SLC38A2: variants seen among roughly 807,000 people sequenced by gnomAD.
The protein encoded by SLC38A2 is solute carrier family 38 member 2.
SLC38A2 carries 11 observed loss-of-function variants against 61.5 expected under a neutral mutation model. The observed-to-expected ratio is 0.18, with a 90% CI of 0.11 to 0.30. SLC38A2 has a LOEUF of 0.30. SLC38A2 is among the 10% of genes least tolerant of loss of function. The probability of loss-of-function intolerance (pLI) is 1.00; values close to 1 mark genes in which losing one functional copy is unlikely to be tolerated. For synonymous variants in SLC38A2, 217 were observed against 212.5 expected, an observed-to-expected ratio of 1.02 and a Z score of -0.18; for missense variants, 522 against 600.4, an observed-to-expected ratio of 0.87 and a Z score of 1.36.
intron 4 of SLC38A2, among the ~76,000 whole-genome samples, chr12:46,367,975 C>A (rs1026668177): frequency 6.6e-6 from 1 of 151,906 alleles, no homozygotes; most frequent in Non-Finnish European, 1.5e-5. Context: ...ACATCTCTAC[C>A]GAAGGAAAAA....
rs988455178 is a variant in SLC38A2, at chr12:46,359,090, A to T, written c.*2021T>A. 8 of 16,850 alleles carry T rather than the reference A, an allele frequency of 4.7e-4. No homozygotes were observed. Among genetic ancestry groups the T allele is most frequent in the Middle Eastern group, 0.036 (1 of 28 alleles). The allele number at this position is 16,850 out of a possible 1,614,324, so 1.0% of individuals were successfully genotyped here. ...GTTGCCACAGTATCTTCTCCCATAC[A>T]AAAAAAAAAAAAAAAGTCTGTAGAA... is the stretch of plus-strand genomic sequence containing the variant. On this transcript the variant is annotated 3_prime_UTR_variant, in exon 16 of 16. Transcript: ENST00000256689.
intron 12 of SLC38A2, 52 bp downstream of exon 12, chr12:46,363,674 A>C: frequency 2.5e-6 from 3 of 1,190,426 alleles, no homozygotes; most frequent in African/African-American, 1.5e-5. Flanking sequence ...TCATTTCAAT[A>C]AGCGTTTTTT....
In SLC38A2 at chr12:46,359,491, C is replaced by G. The variant is rs1943058567; in HGVS notation, c.*1620G>C. On this transcript the variant is annotated 3_prime_UTR_variant, in exon 16 of 16. Coordinates refer to ENST00000256689, the MANE Select transcript of SLC38A2 (RefSeq NM_018976.5). ...AAACCATGTCTCCACATTTCTGGCCCTTGCCCCAAACAACATTTTTAGTTC... is the reference window on the plus strand; with the variant it reads ...AAACCATGTCTCCACATTTCTGGCCGTTGCCCCAAACAACATTTTTAGTTC... 1 of 152,662 alleles carries G rather than the reference C, an allele frequency of 6.6e-6. No homozygotes were observed. The highest frequency in any genetic ancestry group is 2.4e-5 in the African/African-American group (1 of 41,458). 9.5% of individuals were successfully genotyped at this position (152,662 alleles called of 1,614,324 possible). A position where few individuals can be genotyped will look rare whatever the true frequency, so the allele number is the denominator to read the frequency against.
rs1241063414 is a variant in SLC38A2 at position 46,358,406 on chromosome 12, ATT to A, written c.*2703_*2704del. 1 of 152,566 alleles carries A rather than the reference ATT, an allele frequency of 6.6e-6. No homozygotes were observed. Among genetic ancestry groups the A allele is most frequent in the African/African-American group, 2.4e-5 (1 of 41,442 alleles). The allele number at this position is 152,566 out of a possible 1,614,324, so 9.5% of individuals were successfully genotyped here. A position where few individuals can be genotyped will look rare whatever the true frequency, so the allele number is the denominator to read the frequency against. On this transcript the variant is annotated 3_prime_UTR_variant, in exon 16 of 16. Coordinates refer to ENST00000256689, the MANE Select transcript of SLC38A2 (RefSeq NM_018976.5). ...ATTTTATTTCATTACACTAGATCAC[ATT>A]TTGATTACTGCATTTTGAAAATGTA... is the stretch of plus-strand genomic sequence containing the variant.
rs1220873060 is a variant in SLC38A2, at chr12:46,372,528, A to C, written c.-106T>G. On this transcript the variant is annotated 5_prime_UTR_variant, in exon 1 of 16. Coordinates refer to ENST00000256689, the MANE Select transcript of SLC38A2 (RefSeq NM_018976.5). ...CGTTACCTCGGTGGTCTCTATTCTC[A>C]CGCAGACGTCTTCAGTGGGTTTCTC... 5.1e-6 allele frequency: 2 copies of C among 390,106 alleles called. No homozygotes were observed. The highest frequency in any genetic ancestry group is 4.1e-5 in the African/African-American group (2 of 48,212). The allele number at this position is 390,106 out of a possible 1,614,324, so 24.2% of individuals were successfully genotyped here. A position where few individuals can be genotyped will look rare whatever the true frequency, so the allele number is the denominator to read the frequency against.
intron 7 of SLC38A2, 90 bp downstream of exon 7, chr12:46,366,770 TTAAC>T: frequency 2.1e-6 from 2 of 931,628 alleles, no homozygotes; most frequent in South Asian, 1.8e-5. Flanking sequence ...TTATGGATAA[TTAAC>T]TAATCATTTT....
chr12:46,364,762 T>A, intron 8 of SLC38A2, 60 bp from the exon 9 acceptor site: 1 of 1,513,130 alleles, frequency 6.6e-7, no homozygotes, highest in Non-Finnish European at 9.0e-7. Flanking sequence ...AAGGCAAATA[T>A]CTTTTTCCCA....
chr12:46,360,945 A>T lies in SLC38A2; in HGVS notation c.*166T>A. 1.7e-6 allele frequency: 1 copy of T among 573,010 alleles called. No individual in the cohort carries two copies. The highest frequency in any genetic ancestry group is 3.0e-6 in the Non-Finnish European group (1 of 328,348). The allele number at this position is 573,010 out of a possible 1,614,324, so 35.5% of individuals were successfully genotyped here. A position where few individuals can be genotyped will look rare whatever the true frequency, so the allele number is the denominator to read the frequency against. On this transcript the variant is annotated 3_prime_UTR_variant, in exon 16 of 16. Coordinates refer to ENST00000256689, the MANE Select transcript of SLC38A2 (RefSeq NM_018976.5). ...ACATACAGATAAGTTTCTTAAAAAA[A>T]CAAAACAAAACAAAAAAGTTCACTT...
At position 46,362,615 on chromosome 12, in the gene SLC38A2, C is replaced by T. The variant is rs1411822412; in HGVS notation, c.1203G>A (p.Leu401=). Residue 401 remains leucine, a synonymous_variant, in exon 14 of 16, where the codon TTG becomes TTA. Coordinates refer to ENST00000256689, the MANE Select transcript of SLC38A2 (RefSeq NM_018976.5). ...IFPIRSSVTH[L]LCASKDFSWW... ...AACTGAAATCTTTTGATGCACACAA[C>T]AAGTGAGTTACAGAACTCCGGATCT... is the stretch of plus-strand genomic sequence containing the variant. 3 of 1,580,978 alleles carry T rather than the reference C, an allele frequency of 1.9e-6. No homozygotes were observed. In the South Asian group the frequency reaches 3.6e-5, roughly 19 times the overall value.
intron 8 of SLC38A2, 54 bp from the exon 9 acceptor site, chr12:46,364,756 CAAA>C: frequency 6.5e-7 from 1 of 1,533,604 alleles, no homozygotes; most frequent in Non-Finnish European, 8.9e-7. Context: ...AGATTTAAGG[CAAA>C]TATCTTTTTC....
At chr12:46,367,212 A>G in intron 5 of SLC38A2, 44 bp from the exon 6 acceptor site, 1 of 1,590,764 alleles carries the variant, frequency 6.3e-7, no homozygotes, top group Non-Finnish European at 8.6e-7. Context: ...ATTTTAAAAG[A>G]GAAATAAAAT....
At chr12:46,368,841 T>C (rs1339302727) in intron 4 of SLC38A2, among the ~76,000 whole-genome samples, 2 of 152,210 alleles carry the variant, frequency 1.3e-5, no homozygotes, top group Non-Finnish European at 2.9e-5. Flanking sequence ...AAGGGATGAA[T>C]AGACTTTATA....
chr12:46,367,222 T>C (rs745951199), intron 5 of SLC38A2, 45 bp downstream of exon 5: 15 of 1,582,398 alleles, frequency 9.5e-6, no homozygotes, highest in Non-Finnish European at 1.3e-5. Flanking sequence ...AGAAATAAAA[T>C]GATAGGTATA....
intron 8 of SLC38A2, 28 bp from the exon 9 acceptor site, chr12:46,364,730 A>C: frequency 6.3e-7 from 1 of 1,576,298 alleles, no homozygotes; most frequent in Non-Finnish European, 8.6e-7. Flanking sequence ...AGGAATCAGT[A>C]TTAGTTTAAT....
intron 7 of SLC38A2, 134 bp downstream of exon 7, chr12:46,366,730 G>T: frequency 1.3e-6 from 1 of 775,956 alleles, no homozygotes; most frequent in East Asian, 2.8e-5. Context: ...GGGGATGGGG[G>T]GCCTTCTTGG....
At position 46,367,331 on chromosome 12, in the gene SLC38A2, C is replaced by G; in HGVS notation, c.324G>C (p.Leu108Phe). The G allele has an allele frequency of 6.4e-7, 1 of 1,573,624 alleles. No homozygotes were observed. Among genetic ancestry groups the G allele is most frequent in the Non-Finnish European group, 8.7e-7 (1 of 1,144,292 alleles). ...ACAGGGAAAATATTGACACAAATGT[C>G]AAGAGAATTCTGGTGAGAGAAGGAA... ...NTGIALFIIL[L>F]TFVSIFSLYS... Residue 108 changes from leucine to phenylalanine, a missense_variant, in exon 5 of 16, where the codon TTG (leucine) becomes TTC (phenylalanine). Leu to Phe is a conservative substitution (Grantham distance 22, BLOSUM62 0). Transcript: ENST00000256689.
In SLC38A2 at chr12:46,364,399, A is replaced by C. The variant is rs1943116275; in HGVS notation, c.863T>G (p.Phe288Cys). 1.9e-6 allele frequency: 3 copies of C among 1,579,560 alleles called. No individual in the cohort carries two copies. Among genetic ancestry groups the C allele is most frequent in the Non-Finnish European group, 8.5e-7 (1 of 1,169,776 alleles). Reference sequence around the variant, plus strand: ...AGCATATTTAGTTACCTGTGAGTTGAAAATAAAATAGTGAGGTCTGCAAGA... The same window carrying C: ...AGCATATTTAGTTACCTGTGAGTTGCAAATAAAATAGTGAGGTCTGCAAGA... ...NDSCRPHYFI[F>C]NSQTVYAVPI... Residue 288 changes from phenylalanine (F) to cysteine (C), a missense_variant, in exon 10 of 16, where the codon TTC (phenylalanine) becomes TGC (cysteine). Physicochemically the swap from Phe to Cys is radical, Grantham distance 205. Coordinates refer to ENST00000256689, the MANE Select transcript of SLC38A2 (RefSeq NM_018976.5).
At chr12:46,371,557 G>C (rs902022069) in intron 1 of SLC38A2, 178 bp from the exon 2 acceptor site, 3 of 448,156 alleles carry the variant, frequency 6.7e-6, no homozygotes, top group East Asian at 4.5e-5. Context: ...GCGGAGCCGC[G>C]GGGAGAACAA....
chr12:46,365,420 A>C, intron 7 of SLC38A2: 1 of 554,416 alleles, frequency 1.8e-6, no homozygotes, highest in Non-Finnish European at 3.1e-6. Flanking sequence ...CTTTTGTCCC[A>C]CTACTTGCTC....
Sources: allele counts gnomAD v4.1 joint callset (sites outside exome capture counted in the v4.1 genomes callset), GRCh38; gene constraint gnomAD v4.1.1; transcripts MANE v1.5; gene names NCBI Gene and HGNC (gene_info 2026-07-23, HGNC 2026-07-21).